Variants in SLC4A7 observed in about 807,000 individuals in gnomAD.
SLC4A7 encodes solute carrier family 4 member 7.
Under a neutral mutation model 137.6 loss-of-function variants are expected in SLC4A7, and 51 were observed. The observed-to-expected ratio is 0.37, with a 90% CI of 0.30 to 0.47. SLC4A7 has a LOEUF of 0.47. Among genes scored for constraint, SLC4A7 ranks in the 20% least tolerant of loss-of-function variants. The pLI is 1.00. For missense variants in SLC4A7, 1,247 were observed against 1,525.4 expected (o/e 0.82, Z 3.04); for synonymous variants, 542 against 518.6 (o/e 1.05, Z -0.61).
intron 3 of SLC4A7, among the ~76,000 whole-genome samples, chr3:27,445,087 C>T (rs2057485054): frequency 6.6e-6 from 1 of 152,204 alleles, no homozygotes; most frequent in Non-Finnish European, 1.5e-5. Context: ...AAAGTCTTTC[C>T]ATTGTGGCTG....
chr3:27,400,694 C>G, intron 16 of SLC4A7, 70 bp downstream of exon 16: 1 of 860,618 alleles, frequency 1.2e-6, no homozygotes, highest in Admixed American at 2.3e-5. Context: ...AAATGGATGT[C>G]TGATTAGAAA....
intron 19 of SLC4A7, 33 bp from the exon 20 acceptor site, chr3:27,394,802 G>A (rs542481991): frequency 6.3e-7 from 1 of 1,595,110 alleles, no homozygotes; most frequent in East Asian, 2.2e-5. Flanking sequence ...ATATCTGTAA[G>A]TCTAAATGGT....
At chr3:27,411,816 TAG>T (rs2053929130) in intron 11 of SLC4A7, 68 bp from the exon 12 acceptor site, 1 of 641,864 alleles carries the variant, frequency 1.6e-6, no homozygotes, top group Non-Finnish European at 2.4e-6. Flanking sequence ...CATCTTCAAT[TAG>T]AGTGAATATC....
intron 22 of SLC4A7, among the ~76,000 whole-genome samples, chr3:27,388,989 A>T (rs1449479409): frequency 6.6e-6 from 1 of 152,116 alleles, no homozygotes; most frequent in African/African-American, 2.4e-5. Context: ...CCCTTGAATC[A>T]TCTCCATATC....
intron 11 of SLC4A7, among the ~76,000 whole-genome samples, chr3:27,413,894 T>C (rs2054139842): frequency 6.6e-6 from 1 of 151,512 alleles, no homozygotes; most frequent in African/African-American, 2.4e-5. Flanking sequence ...ATGTATAAGA[T>C]TTAGAAAAGG....
chr3:27,462,949 C>G (rs1197986305), intron 1 of SLC4A7: 6 of 152,184 alleles, frequency 3.9e-5, no homozygotes, highest in Non-Finnish European at 7.3e-5. Context: ...TTATGAACAA[C>G]GAGTTACAAT....
intron 7 of SLC4A7, among the ~76,000 whole-genome samples, chr3:27,429,215 G>A (rs753122224): frequency 2.5e-4 from 38 of 150,816 alleles, no homozygotes; most frequent in Non-Finnish European, 3.8e-4. Context: ...GCAGTAAGCC[G>A]AGATCACACC....
At chr3:27,459,205 G>A (rs2058566842) in intron 1 of SLC4A7, among the ~76,000 whole-genome samples, 1 of 152,082 alleles carries the variant, frequency 6.6e-6, no homozygotes, top group Non-Finnish European at 1.5e-5. Context: ...GGGAAAAGAA[G>A]AAGAAACTAG....
chr3:27,429,985 G>A (rs116056118), intron 7 of SLC4A7, among the ~76,000 whole-genome samples: 19,490 of 152,226 alleles, frequency 0.13, 1,233 homozygotes, highest in Middle Eastern at 0.19. Flanking sequence ...GGAGGCTACG[G>A]CAGGAGGATT....
At chr3:27,463,134 T>G (rs936030439) in intron 1 of SLC4A7, among the ~76,000 whole-genome samples, 1 of 151,990 alleles carries the variant, frequency 6.6e-6, no homozygotes, top group Non-Finnish European at 1.5e-5. Flanking sequence ...CTACTCAAAA[T>G]ACAAAAGTTA....
intron 25 of SLC4A7, among the ~76,000 whole-genome samples, chr3:27,379,038 G>A (rs2050165649): frequency 6.6e-6 from 1 of 152,140 alleles, no homozygotes; most frequent in Non-Finnish European, 1.5e-5. Context: ...GCCTCCCAAA[G>A]TGCTGGGATT....
At chr3:27,436,583 A>G in intron 4 of SLC4A7, 35 bp from the exon 5 acceptor site, 1 of 1,302,736 alleles carries the variant, frequency 7.7e-7, no homozygotes, top group Non-Finnish European at 1.1e-6. Context: ...TTTTATAAGT[A>G]ATGAAGATTC....
At chr3:27,423,195 A>C (rs2055176873) in intron 8 of SLC4A7, among the ~76,000 whole-genome samples, 1 of 152,216 alleles carries the variant, frequency 6.6e-6, no homozygotes, top group African/African-American at 2.4e-5. Flanking sequence ...TTTTCTGTAA[A>C]ATATATCTTG....
At chr3:27,436,687 A>G in intron 4 of SLC4A7, 139 bp from the exon 5 acceptor site, 1 of 563,238 alleles carries the variant, frequency 1.8e-6, no homozygotes, top group Non-Finnish European at 3.0e-6. Context: ...CGTTTTCACA[A>G]ATTAGGTTAA....
chr3:27,457,058 T>C (rs2058452625), intron 1 of SLC4A7: 7 of 442,308 alleles, frequency 1.6e-5, no homozygotes, highest in Non-Finnish European at 2.1e-5. Context: ...ATTATCATTG[T>C]AACCAAAAAA....
chr3:27,448,359 G>A (rs1158902970), intron 3 of SLC4A7, among the ~76,000 whole-genome samples: 1 of 151,718 alleles, frequency 6.6e-6, no homozygotes, highest in Non-Finnish European at 1.5e-5. Context: ...TTGAGCCTAA[G>A]TGACTAGGCA....
Position 27,409,536 on chromosome 3 carries a change from T to C in SLC4A7, c.1767-6A>G, listed in dbSNP as rs528347704. ...GTATCAAACCACCAAAAAGCCTAAATAGGTGAGATGAAACTCGTCAAACTG... is the reference window on the plus strand; with the variant it reads ...GTATCAAACCACCAAAAAGCCTAAACAGGTGAGATGAAACTCGTCAAACTG... On this transcript the variant is annotated splice_polypyrimidine_tract_variant and splice_region_variant and intron_variant, in intron 12 of 25. Coordinates refer to ENST00000454389, the MANE Select transcript of SLC4A7 (RefSeq NM_001321103.2). The C allele has an allele frequency of 1.7e-5, 28 of 1,608,484 alleles. No homozygotes were observed. The highest frequency in any genetic ancestry group is 5.1e-5 in the Admixed American group (3 of 59,274).
At chr3:27,446,168 T>C (rs888119324) in intron 3 of SLC4A7, among the ~76,000 whole-genome samples, 10 of 151,136 alleles carry the variant, frequency 6.6e-5, no homozygotes, top group African/African-American at 2.2e-4. Flanking sequence ...CTTAAATGTA[T>C]ACAAATTTTA....
At position 27,376,612 on chromosome 3, in the gene SLC4A7, C is replaced by T. The variant is rs2049913488; in HGVS notation, c.*152G>A. 2 of 464,430 alleles carry T rather than the reference C, an allele frequency of 4.3e-6. No homozygotes were observed. The highest frequency in any genetic ancestry group is 4.2e-5 in the South Asian group (1 of 23,540). 28.8% of individuals were successfully genotyped at this position (464,430 alleles called of 1,614,324 possible). A position where few individuals can be genotyped will look rare whatever the true frequency, so the allele number is the denominator to read the frequency against. On this transcript the variant is annotated 3_prime_UTR_variant, in exon 26 of 26. Coordinates refer to ENST00000454389, the MANE Select transcript of SLC4A7 (RefSeq NM_001321103.2). ...AGCATTTCATTAAATACATAGTCTC[C>T]ACGGTGCTCATTACAAACTCCAGAC...
Sources: gnomAD v4.1 joint callset for allele counts (sites outside exome capture counted in the v4.1 genomes callset) on GRCh38, gnomAD v4.1.1 for gene constraint, MANE v1.5 for transcripts, NCBI Gene and HGNC (gene_info 2026-07-23, HGNC 2026-07-21) for gene names.